DIS3L2: variants seen among roughly 807,000 people sequenced by gnomAD.
DIS3L2 encodes DIS3-like exonuclease 2.
In DIS3L2, 34 loss-of-function variants were observed where a neutral mutation model predicts 97.5. The observed-to-expected ratio is 0.35, with a 90% CI of 0.27 to 0.46. The LOEUF is 0.46. DIS3L2 is among the 20% of genes least tolerant of loss of function. The pLI, the probability that DIS3L2 is intolerant of heterozygous loss-of-function variation, is 1.00. For synonymous variants in DIS3L2, 435 were observed against 445.2 expected (o/e 0.98, Z 0.29); for missense variants, 1,038 against 1,146.0 (o/e 0.91, Z 1.36).
intron 16 of DIS3L2, 66 bp from the exon 17 acceptor site, chr2:232,333,773 TG>T: frequency 2.0e-6 from 3 of 1,526,144 alleles, no homozygotes; most frequent in Non-Finnish European, 2.6e-6. Context: ...CTGTGGGTGG[TG>T]CCAGCCTTCC....
At chr2:232,099,317 G>C (rs1697126566) in intron 6 of DIS3L2, among the ~76,000 whole-genome samples, 1 of 151,896 alleles carries the variant, frequency 6.6e-6, no homozygotes, top group African/African-American at 2.4e-5. Flanking sequence ...TTGGGTTCAA[G>C]TGATTCTCCT....
At chr2:232,248,347 CTGATGTTTT>C (rs1266988544) in intron 11 of DIS3L2, among the ~76,000 whole-genome samples, 2 of 152,098 alleles carry the variant, frequency 1.3e-5, no homozygotes, top group African/African-American at 4.8e-5. Context: ...GCTAGTACTG[CTGATGTTTT>C]TAGTTAGAGA....
intron 14 of DIS3L2, among the ~76,000 whole-genome samples, chr2:232,313,547 C>T (rs4258781): frequency 0.15 from 23,044 of 152,128 alleles, 2,857 homozygotes; most frequent in African/African-American, 0.34. Flanking sequence ...GAATATTGAA[C>T]GTGAACCCAC....
intron 9 of DIS3L2, among the ~76,000 whole-genome samples, chr2:232,187,952 C>T (rs1192043978): frequency 6.6e-6 from 1 of 152,092 alleles, no homozygotes; most frequent in Non-Finnish European, 1.5e-5. Context: ...GCCTGGCCAA[C>T]ATGGTGAAAC....
intron 13 of DIS3L2, among the ~76,000 whole-genome samples, chr2:232,278,001 T>C (rs946596975): frequency 2.6e-5 from 4 of 152,230 alleles, no homozygotes; most frequent in Non-Finnish European, 5.9e-5. Context: ...GCCAAAACTT[T>C]CTTAATGCAG....
chr2:232,267,797 G>A (rs186563599), intron 13 of DIS3L2, among the ~76,000 whole-genome samples: 14 of 152,276 alleles, frequency 9.2e-5, no homozygotes, highest in African/African-American at 3.4e-4. Flanking sequence ...CCTGTTCTCA[G>A]GCACCTTCCC....
chr2:232,270,066 G>T (rs1693945885), intron 13 of DIS3L2, among the ~76,000 whole-genome samples: 1 of 152,104 alleles, frequency 6.6e-6, no homozygotes, highest in Non-Finnish European at 1.5e-5. Context: ...AGGATCAGAG[G>T]CTAGGGATCA....
intron 4 of DIS3L2, among the ~76,000 whole-genome samples, chr2:232,025,368 TCAAGTGA>T (rs1694628341): frequency 1.3e-5 from 2 of 152,282 alleles, no homozygotes; most frequent in Non-Finnish European, 2.9e-5. Flanking sequence ...TTTTATATGC[TCAAGTGA>T]TATTATTGTT....
At chr2:232,211,217 T>C (rs1403098128) in intron 10 of DIS3L2, among the ~76,000 whole-genome samples, 3 of 145,920 alleles carry the variant, frequency 2.1e-5, no homozygotes, top group Non-Finnish European at 4.5e-5. Flanking sequence ...TGATCATAGC[T>C]CACTGCAGCC....
At chr2:231,989,339 T>TTGTGTGTG (rs59088969) in intron 1 of DIS3L2, among the ~76,000 whole-genome samples, 2,814 of 146,758 alleles carry the variant, frequency 0.019, 86 homozygotes, top group African/African-American at 0.065. Flanking sequence ...GTCAGTATAA[T>TTGTGTGTG]TGTGTGTGTG....
In DIS3L2 at chr2:232,014,923, C is replaced by T. The variant is rs376955979; in HGVS notation, c.-5C>T. On this transcript the variant is annotated 5_prime_UTR_variant, in exon 2 of 21. Coordinates refer to ENST00000325385, the MANE Select transcript of DIS3L2 (RefSeq NM_152383.5). Reference sequence around the variant, plus strand: ...CTGGAGAGAAGAGTGACCTTGGAGCCAATAATGAGCCATCCTGACTACAGA... The same window carrying T: ...CTGGAGAGAAGAGTGACCTTGGAGCTAATAATGAGCCATCCTGACTACAGA... 1 of 1,613,860 alleles carries T rather than the reference C, an allele frequency of 6.2e-7. No homozygotes were observed. The highest frequency in any genetic ancestry group is 8.5e-7 in the Non-Finnish European group (1 of 1,179,892).
chr2:232,155,488 C>G (rs973346097), intron 8 of DIS3L2, among the ~76,000 whole-genome samples: 1 of 152,172 alleles, frequency 6.6e-6, no homozygotes, highest in Admixed American at 6.5e-5. Context: ...ATTTAGAAAT[C>G]TTTATCTTTG....
intron 10 of DIS3L2, 121 bp from the exon 11 acceptor site, chr2:232,238,412 G>A (rs1276770481): frequency 8.4e-6 from 6 of 714,868 alleles, no homozygotes; most frequent in Non-Finnish European, 1.4e-5. Context: ...AAGACTAGAT[G>A]TGTCACCTAA....
At chr2:232,250,518 A>G (rs1693387303) in intron 12 of DIS3L2, among the ~76,000 whole-genome samples, 1 of 152,048 alleles carries the variant, frequency 6.6e-6, no homozygotes, top group South Asian at 2.1e-4. Flanking sequence ...TATGCAGCAG[A>G]ACCCTAAACA....
In DIS3L2 at chr2:232,252,969, G is replaced by C. The variant is rs533520142; in HGVS notation, c.1425+3623G>C. On this transcript the variant is annotated intron_variant, in intron 12 of 20. Transcript: ENST00000325385. ...AAATAAAAAACAGACACCAGAGAGT[G>C]AGCTCTCTCATCTCCCCAAAATACC... 2.0e-5 allele frequency among the ~76,000 whole-genome samples: 3 copies of C among 152,314 alleles called. No homozygotes were observed. In the East Asian group the frequency reaches 5.8e-4, roughly 29 times the overall value.
At chr2:232,335,555 G>C in intron 19 of DIS3L2, 1 of 575,526 alleles carries the variant, frequency 1.7e-6, no homozygotes, top group Non-Finnish European at 3.1e-6. Flanking sequence ...ACAGAGCCAC[G>C]GGCCTTCCCA....
intron 1 of DIS3L2, among the ~76,000 whole-genome samples, chr2:231,975,910 G>C (rs938249346): frequency 6.6e-6 from 1 of 151,648 alleles, no homozygotes; most frequent in Non-Finnish European, 1.5e-5. Context: ...TTATTTCTAT[G>C]TTCTCATTCC....
chr2:232,321,102 A>G (rs1250377348), intron 14 of DIS3L2, among the ~76,000 whole-genome samples: 1 of 152,160 alleles, frequency 6.6e-6, no homozygotes, highest in Non-Finnish European at 1.5e-5. Context: ...AGGAGGCCCC[A>G]AAGAGTCCCT....
intron 9 of DIS3L2, among the ~76,000 whole-genome samples, chr2:232,186,512 T>G (rs1022948837): frequency 2.6e-5 from 4 of 152,228 alleles, no homozygotes; most frequent in African/African-American, 7.2e-5. Context: ...ACACAATCTT[T>G]GCTTGAAAAT....
Sources: gnomAD v4.1 joint callset for allele counts (sites outside exome capture counted in the v4.1 genomes callset) on GRCh38, gnomAD v4.1.1 for gene constraint, MANE v1.5 for transcripts, NCBI Gene and HGNC (gene_info 2026-07-23, HGNC 2026-07-21) for gene names.